PIGN: variants seen among roughly 807,000 people sequenced by gnomAD.
PIGN encodes the protein GPI ethanolamine phosphate transferase 1.
In PIGN, 117 loss-of-function variants were observed where a neutral mutation model predicts 125.4. The ratio of observed to expected loss-of-function variants is 0.93; its 90% CI spans 0.80 to 1.09. The LOEUF is 1.09. Among genes scored for constraint, PIGN ranks in the 50% least tolerant of loss-of-function variants. The pLI, the probability that PIGN is intolerant of heterozygous loss-of-function variation, is 0.00. For synonymous variants in PIGN, 392 were observed against 377.8 expected (o/e 1.04, Z -0.44); for missense variants, 1,075 against 1,094.9 (o/e 0.98, Z 0.26).
Position 62,148,288 on chromosome 18 carries a change from A to G in PIGN, c.600T>C (p.Asn200=). ...GTAAGAAAAAAACTATTTTCTCTTC[A>G]TTTATTTTAGAAAACAAAGACTGGT... The part of the protein sequence containing the change: ...RNNQSLFSKI[N]EEKIVFFLHL... The change falls in exon 8 of 31, where the codon AAT becomes AAC. Residue 200 remains asparagine (N), a synonymous_variant. Transcript: ENST00000640252. The G allele has an allele frequency of 6.5e-7, 1 of 1,534,820 alleles. No homozygotes were observed.
intron 14 of PIGN, among the ~76,000 whole-genome samples, chr18:62,135,030 A>C (rs777189310): frequency 2.4e-4 from 36 of 152,136 alleles, no homozygotes; most frequent in Non-Finnish European, 4.7e-4. Context: ...CTCACTTCCT[A>C]TTCTAATTTG....
chr18:62,055,768 A>G (rs10469138), intron 30 of PIGN, among the ~76,000 whole-genome samples: 25,628 of 151,718 alleles, frequency 0.17, 2,916 homozygotes, highest in Middle Eastern at 0.28. Context: ...GCTGTACAAA[A>G]TCAAGAGGTG....
At chr18:62,036,884 G>A (rs569478667), downstream of PIGN, among the ~76,000 whole-genome samples, 1 of 152,258 alleles carries the variant, frequency 6.6e-6, no homozygotes, top group East Asian at 1.9e-4. Context: ...TCAACCAGCT[G>A]GTGCAGAGGA....
chr18:62,167,245 T>TAC (rs1337062960), intron 1 of PIGN, among the ~76,000 whole-genome samples: 1 of 134,964 alleles, frequency 7.4e-6, no homozygotes, highest in East Asian at 2.4e-4. Context: ...TATATATATA[T>TAC]ACACACACAT....
chr18:62,130,546 AAG>A (rs1403958499), intron 14 of PIGN, among the ~76,000 whole-genome samples: 2 of 152,096 alleles, frequency 1.3e-5, no homozygotes, highest in Non-Finnish European at 2.9e-5. Flanking sequence ...GTTAAAAAAA[AAG>A]AGAGAAATGA....
At chr18:62,164,412 A>C (rs977507492) in intron 1 of PIGN, among the ~76,000 whole-genome samples, 1 of 152,216 alleles carries the variant, frequency 6.6e-6, no homozygotes, top group African/African-American at 2.4e-5. Flanking sequence ...GCTTAACAGG[A>C]AGCATGACTG....
intron 1 of PIGN, among the ~76,000 whole-genome samples, chr18:62,183,989 C>T (rs1179843012): frequency 6.6e-6 from 1 of 152,100 alleles, no homozygotes; most frequent in Non-Finnish European, 1.5e-5. Flanking sequence ...TAATACTTCT[C>T]TTTAAAGAAA....
chr18:62,052,090 T>C (rs2031348298), intron 30 of PIGN: 1 of 152,194 alleles, frequency 6.6e-6, no homozygotes, highest in South Asian at 2.1e-4. Context: ...TTTCTGTTCT[T>C]TTACATTTGT....
chr18:62,059,586 T>G (rs2145367349), intron 30 of PIGN, among the ~76,000 whole-genome samples: 1 of 152,308 alleles, frequency 6.6e-6, no homozygotes, highest in African/African-American at 2.4e-5. Context: ...TTATATGAAA[T>G]GTCCACAATA....
intron 14 of PIGN, among the ~76,000 whole-genome samples, chr18:62,118,388 A>C (rs753235637): frequency 6.6e-6 from 1 of 152,278 alleles, no homozygotes; most frequent in Non-Finnish European, 1.5e-5. Flanking sequence ...AAAGCCCAAT[A>C]AAATAAATTT....
chr18:62,047,390 C>T (rs61483616), intron 30 of PIGN, among the ~76,000 whole-genome samples: 2 of 152,322 alleles, frequency 1.3e-5, no homozygotes, highest in South Asian at 4.1e-4. Flanking sequence ...GTCCCTCCCC[C>T]TCTTCAATGG....
chr18:62,088,299 T>C (rs1177947482), intron 25 of PIGN: 4 of 152,468 alleles, frequency 2.6e-5, no homozygotes, highest in Admixed American at 2.0e-4. Flanking sequence ...ACTAACAACT[T>C]TCACAACATT....
chr18:62,160,065 A>C (rs1240795522), intron 4 of PIGN, among the ~76,000 whole-genome samples: 1 of 152,220 alleles, frequency 6.6e-6, no homozygotes, highest in African/African-American at 2.4e-5. Flanking sequence ...GTGAGCTGAG[A>C]TCACGCCACT....
At chr18:62,054,376 A>AT in intron 30 of PIGN, among the ~76,000 whole-genome samples, 1 of 151,978 alleles carries the variant, frequency 6.6e-6, no homozygotes, top group Non-Finnish European at 1.5e-5. Context: ...AAAAAAAAAA[A>AT]CAAAAAACTT....
chr18:62,124,419 GGAGA>G (rs2035423688), intron 14 of PIGN, among the ~76,000 whole-genome samples: 1 of 152,118 alleles, frequency 6.6e-6, no homozygotes, highest in African/African-American at 2.4e-5. Context: ...TACCAGATTA[GGAGA>G]GAGACTGTCT....
chr18:62,043,079 C>G lies in PIGN; in HGVS notation c.*2777G>C, dbSNP rs1023838061. 2 of 152,110 alleles carry G rather than the reference C, an allele frequency of 1.3e-5. No individual in the cohort carries two copies. The highest frequency in any genetic ancestry group is 2.9e-5 in the Non-Finnish European group (2 of 68,012). 9.4% of individuals were successfully genotyped at this position (152,110 alleles called of 1,614,324 possible). On this transcript the variant is annotated 3_prime_UTR_variant, in exon 31 of 31. Coordinates refer to ENST00000640252, the MANE Select transcript of PIGN (RefSeq NM_176787.5). Reference sequence around the variant, plus strand: ...ATGTCAACATAAAAAAGAACAACTACGAAAAGGTGAGAAATGATCAAGTTA... The same window carrying G: ...ATGTCAACATAAAAAAGAACAACTAGGAAAAGGTGAGAAATGATCAAGTTA...
intron 25 of PIGN, chr18:62,088,550 T>C: frequency 3.9e-6 from 1 of 256,204 alleles, no homozygotes; most frequent in Non-Finnish European, 7.3e-6. Flanking sequence ...ATAGCAGGAA[T>C]ATATATATAT....
At chr18:62,131,195 G>T (rs902164190) in intron 14 of PIGN, among the ~76,000 whole-genome samples, 2 of 152,010 alleles carry the variant, frequency 1.3e-5, no homozygotes, top group South Asian at 2.1e-4. Flanking sequence ...CATTTTAGTA[G>T]AAAATACAGT....
chr18:62,140,375 G>T (rs2036088663), intron 12 of PIGN, 45 bp downstream of exon 12: 2 of 854,024 alleles, frequency 2.3e-6, no homozygotes, highest in Admixed American at 2.7e-5. Flanking sequence ...CTGTGCGATA[G>T]TTTTTTTTTA....
Sources: gnomAD v4.1 joint callset for allele counts (sites outside exome capture counted in the v4.1 genomes callset) on GRCh38, gnomAD v4.1.1 for gene constraint, MANE v1.5 for transcripts, NCBI Gene and HGNC (gene_info 2026-07-23, HGNC 2026-07-21) for gene names.